EPRS1: variants seen among roughly 807,000 people sequenced by gnomAD.
EPRS1 encodes the protein glutamyl-prolyl-tRNA synthetase 1, also known as bifunctional glutamate/proline--tRNA ligase.
EPRS1 carries 107 observed loss-of-function variants against 188.3 expected under a neutral mutation model. The ratio of observed to expected loss-of-function variants is 0.57; its 90% CI spans 0.49 to 0.67. The LOEUF is 0.67. Among genes scored for constraint, EPRS1 ranks in the 30% least tolerant of loss-of-function variants. The probability of loss-of-function intolerance (pLI) is 0.00; values close to 1 mark genes in which losing one functional copy is unlikely to be tolerated. For missense variants in EPRS1, 1,577 were observed against 1,802.2 expected, an observed-to-expected ratio of 0.88 and a Z score of 2.26; for synonymous variants, 596 against 593.1, an observed-to-expected ratio of 1.00 and a Z score of -0.07.
At chr1:220,016,492 C>T (rs1167478857) in intron 12 of EPRS1, among the ~76,000 whole-genome samples, 2 of 151,104 alleles carry the variant, frequency 1.3e-5, no homozygotes, top group African/African-American at 4.9e-5. Flanking sequence ...CTCACTGCGG[C>T]CTTGACCTCC....
chr1:220,026,626 G>T (rs1661977604), intron 6 of EPRS1, among the ~76,000 whole-genome samples: 1 of 151,782 alleles, frequency 6.6e-6, no homozygotes, highest in Non-Finnish European at 1.5e-5. Flanking sequence ...TGCCTCTCAG[G>T]TTCACACCAT....
chr1:219,979,183 A>G (rs1660843243), intron 27 of EPRS1, among the ~76,000 whole-genome samples: 1 of 152,256 alleles, frequency 6.6e-6, no homozygotes, highest in African/African-American at 2.4e-5. Flanking sequence ...CCGTTTTTAA[A>G]AAATGACTTC....
rs529284689 is a variant in EPRS1 at position 219,982,921 on chromosome 1, CCT to C, written c.3301-79_3301-78del. ...CAACAGTACAAATGCAGGCAAATTT[CCT>C]CTGTTTTAATTTTTGCTATATCAAT... On this transcript the variant is annotated intron_variant, in intron 22 of 31. Transcript: ENST00000366923. 5.3e-5 allele frequency: 70 copies of C among 1,311,874 alleles called. No homozygotes were observed. The African/African-American group carries it at 7.7e-4, about 14-fold the overall frequency. 81.3% of individuals were successfully genotyped at this position (1,311,874 alleles called of 1,614,324 possible). A position where few individuals can be genotyped will look rare whatever the true frequency, so the allele number is the denominator to read the frequency against.
intron 28 of EPRS1, among the ~76,000 whole-genome samples, chr1:219,973,685 A>T (rs1186120480): frequency 6.6e-6 from 1 of 152,132 alleles, no homozygotes; most frequent in Non-Finnish European, 1.5e-5. Flanking sequence ...CTCACAAAAT[A>T]GCATCCAGAA....
chr1:220,036,510 A>G lies in EPRS1; in HGVS notation c.132-1497T>C, dbSNP rs148521710. Among the ~76,000 whole-genome samples, 986 of 152,304 alleles carry G rather than the reference A, an allele frequency of 6.5e-3. 12 individuals carry two copies. The highest frequency in any genetic ancestry group is 0.023 in the African/African-American group (935 of 41,552). ...CAGAATACTATGCAGCCATAAAAAA[A>G]AAAAAAGATCATGTCTTTTGCAGCA... On this transcript the variant is annotated intron_variant, in intron 2 of 31. Transcript: ENST00000366923.
At chr1:220,015,322 G>A (rs1661681219) in intron 12 of EPRS1, among the ~76,000 whole-genome samples, 1 of 152,016 alleles carries the variant, frequency 6.6e-6, no homozygotes, top group East Asian at 1.9e-4. Context: ...ACTTAGCCAG[G>A]TGCAGTGGCA....
At chr1:219,996,749 A>G (rs1661242018) in intron 18 of EPRS1, among the ~76,000 whole-genome samples, 1 of 152,220 alleles carries the variant, frequency 6.6e-6, no homozygotes, top group African/African-American at 2.4e-5. Flanking sequence ...TTACAGTCAC[A>G]TCACATAAGA....
rs765639349 is a variant in EPRS1, at chr1:219,982,799, T to C, written c.3346A>G (p.Ile1116Val). The change falls in exon 23 of 32, where the codon ATT becomes GTT. Residue 1116 changes from isoleucine to valine, a missense_variant. Ile to Val is a conservative substitution (Grantham distance 29). Around this residue, in one of 3 missense-constraint regions of EPRS1, gnomAD observed 1,278 missense variants for 1,457.4 expected, o/e 0.88. Coordinates refer to ENST00000366923, the MANE Select transcript of EPRS1 (RefSeq NM_004446.3). Reference protein sequence around the residue: ...RSGKTELAEPIAIRPTSETVM... With the variant: ...RSGKTELAEPVAIRPTSETVM... ...GTTTCACTAGTAGGACGAATGGCAA[T>C]TGGTTCTGCCAGCTCGGTTTTGCCA... 5 of 1,614,110 alleles carry C rather than the reference T, an allele frequency of 3.1e-6. No individual in the cohort carries two copies. The highest frequency in any genetic ancestry group is 4.2e-6 in the Non-Finnish European group (5 of 1,179,952).
intron 18 of EPRS1, among the ~76,000 whole-genome samples, chr1:219,995,350 A>C (rs1661211001): frequency 6.6e-6 from 1 of 152,220 alleles, no homozygotes; most frequent in South Asian, 2.1e-4. Flanking sequence ...CCCATAATTA[A>C]GCTGACCAAA....
intron 16 of EPRS1, among the ~76,000 whole-genome samples, chr1:220,002,056 G>T (rs1489221950): frequency 6.6e-6 from 1 of 151,796 alleles, no homozygotes. Flanking sequence ...TTGGTCAGCC[G>T]TGGTGGCTCA....
Position 219,979,494 on chromosome 1 carries a change from C to T in EPRS1, c.3833G>A (p.Arg1278Gln). The stretch of plus-strand genomic sequence containing the variant: ...AACCATGGTCATAACACCAATAGTT[C>T]GAGTTGTCAGGCCCCAGGAGTTTTG... The part of the protein sequence containing the change: ...AYQNSWGLTT[R>Q]TIGVMTMVHG... Residue 1278 changes from arginine (R) to glutamine (Q), a missense_variant, in exon 27 of 32, where the codon CGA (arginine) becomes CAA (glutamine). By Grantham distance (43) the Arg-to-Gln change is conservative (BLOSUM62 1). Around this residue, in one of 3 missense-constraint regions of EPRS1, gnomAD observed 296 missense variants for 327.9 expected, o/e 0.90. Coordinates refer to ENST00000366923, the MANE Select transcript of EPRS1 (RefSeq NM_004446.3). 1.2e-6 allele frequency: 2 copies of T among 1,613,992 alleles called. No homozygotes were observed. Among genetic ancestry groups the T allele is most frequent in the African/African-American group, 1.3e-5 (1 of 75,034 alleles).
chr1:220,040,667 A>G (rs1662274207), intron 1 of EPRS1, among the ~76,000 whole-genome samples: 1 of 152,124 alleles, frequency 6.6e-6, no homozygotes, highest in Admixed American at 6.5e-5. Flanking sequence ...CCTGACCGAC[A>G]TGGAGAAACC....
intron 13 of EPRS1, among the ~76,000 whole-genome samples, chr1:220,007,832 C>G (rs1256168287): frequency 6.6e-6 from 1 of 152,224 alleles, no homozygotes; most frequent in Middle Eastern, 3.2e-3. Context: ...TGGGTGGCCA[C>G]TGCTTCGCTG....
rs143811225 is a variant in EPRS1, at chr1:219,994,269, G to C, written c.2541+2714C>G. 5.4e-3 allele frequency among the ~76,000 whole-genome samples: 824 copies of C among 152,256 alleles called. 4 individuals are homozygous for C. Among genetic ancestry groups the C allele is most frequent in the Non-Finnish European group, 9.3e-3 (634 of 68,022 alleles). On this transcript the variant is annotated intron_variant, in intron 18 of 31. Coordinates refer to ENST00000366923, the MANE Select transcript of EPRS1 (RefSeq NM_004446.3). ...TGGTGAGTCTAAATGCTCCCGGTCT[G>C]AGTGTCAGTGTGTGTGAGTGTGCCC... is the stretch of plus-strand genomic sequence containing the variant.
rs762572218 is a variant in EPRS1 at position 219,982,824 on chromosome 1, A to C, written c.3321T>G (p.Ser1107=). 9.9e-6 allele frequency: 16 copies of C among 1,613,950 alleles called. No individual in the cohort carries two copies. Among genetic ancestry groups the C allele is most frequent in the African/African-American group, 1.3e-5 (1 of 74,934 alleles). The part of the protein sequence containing the change: ...FAPEVAWVTR[S]GKTELAEPIA... ...TTGGTTCTGCCAGCTCGGTTTTGCC[A>C]GATCTTGTAACCCAAGCAACCTAGT... The change falls in exon 23 of 32, where the codon TCT becomes TCG. Residue 1107 remains serine (S), a synonymous_variant. Coordinates refer to ENST00000366923, the MANE Select transcript of EPRS1 (RefSeq NM_004446.3).
intron 10 of EPRS1, among the ~76,000 whole-genome samples, chr1:220,019,554 C>A (rs931064221): frequency 6.6e-6 from 1 of 152,186 alleles, no homozygotes. Flanking sequence ...AGTAAGTATG[C>A]AGTAATACCC....
At chr1:220,045,429 G>A (rs2102603808) in intron 1 of EPRS1, among the ~76,000 whole-genome samples, 1 of 152,142 alleles carries the variant, frequency 6.6e-6, no homozygotes, top group East Asian at 1.9e-4. Flanking sequence ...ATCTGAGCCC[G>A]GAAGTTCGAT....
intron 13 of EPRS1, among the ~76,000 whole-genome samples, chr1:220,009,687 A>AT (rs201428117): frequency 2.8e-4 from 42 of 150,412 alleles, no homozygotes; most frequent in South Asian, 6.3e-4. Context: ...CCATTTCAAA[A>AT]TTAAGAAAAA....
chr1:220,031,850 A>C (rs1309665101), intron 5 of EPRS1, among the ~76,000 whole-genome samples: 3 of 152,184 alleles, frequency 2.0e-5, no homozygotes, highest in Non-Finnish European at 2.9e-5. Context: ...GGTTTTATTT[A>C]TATGGAGTTT....
Sources: allele counts gnomAD v4.1 joint callset (sites outside exome capture counted in the v4.1 genomes callset), GRCh38; gene constraint gnomAD v4.1.1; regional missense constraint gnomAD v4.1.1; transcripts MANE v1.5; gene names NCBI Gene and HGNC (gene_info 2026-07-23, HGNC 2026-07-21).